FBXW8: variants seen among roughly 807,000 people sequenced by gnomAD.
FBXW8 encodes F-box and WD repeat domain containing 8.
Under a neutral mutation model 65.3 loss-of-function variants are expected in FBXW8, and 57 were observed. The observed-to-expected ratio is 0.87, with a 90% confidence interval of 0.71 to 1.09. The LOEUF (loss-of-function observed/expected upper bound fraction) is 1.09, where lower values mean the gene tolerates loss of function less well. Ranked by LOEUF, FBXW8 falls within the 50% of genes least tolerant of loss-of-function variation. The pLI is 0.00. For missense variants in FBXW8, 777 were observed against 814.8 expected, an observed-to-expected ratio of 0.95 and a Z score of 0.57; for synonymous variants, 308 against 330.2, an observed-to-expected ratio of 0.93 and a Z score of 0.73.
chr12:116,914,464 C>G (rs1037276148), intron 1 of FBXW8, among the ~76,000 whole-genome samples: 1 of 147,888 alleles, frequency 6.8e-6, no homozygotes, highest in African/African-American at 2.5e-5. Flanking sequence ...TCCTCACTAC[C>G]TGGGAGGCTG....
chr12:116,999,470 T>G (rs931365611), intron 7 of FBXW8, among the ~76,000 whole-genome samples: 8 of 152,210 alleles, frequency 5.3e-5, no homozygotes, highest in African/African-American at 1.7e-4. Context: ...CTTACTGTGA[T>G]CTCATGATCA....
rs78315648 is a variant in FBXW8 at position 116,954,981 on chromosome 12, C to T, written c.677+5275C>T. On this transcript the variant is annotated intron_variant, in intron 4 of 10. Transcript: ENST00000652555. ...ACAAACCAATAGCCTTTTCTTGGCT[C>T]GTCCTCTCCAGCCTCTTGGCAACAT... Among the ~76,000 whole-genome samples, 1,007 of 150,650 alleles carry T rather than the reference C, an allele frequency of 6.7e-3. 9 individuals are homozygous for T. Among genetic ancestry groups the T allele is most frequent in the African/African-American group, 0.023 (949 of 41,360 alleles).
chr12:116,962,028 T>C (rs1884014829), intron 4 of FBXW8, among the ~76,000 whole-genome samples: 1 of 152,088 alleles, frequency 6.6e-6, no homozygotes, highest in Non-Finnish European at 1.5e-5. Context: ...GTGCGGGTAG[T>C]GGGCCACAGC....
At position 116,949,614 on chromosome 12, in the gene FBXW8, G is replaced by T; in HGVS notation, c.589-4G>T. On this transcript the variant is annotated splice_polypyrimidine_tract_variant and splice_region_variant and intron_variant, in intron 3 of 10. Transcript: ENST00000652555. ...TAAACTGCATCCCCCTTTTCCTCACGCAGAATCGCAAAGGTGCCGTGAGCG... is the reference window on the plus strand; with the variant it reads ...TAAACTGCATCCCCCTTTTCCTCACTCAGAATCGCAAAGGTGCCGTGAGCG... The T allele has an allele frequency of 6.2e-7, 1 of 1,614,072 alleles. No homozygotes were observed. Among genetic ancestry groups the T allele is most frequent in the Non-Finnish European group, 8.5e-7 (1 of 1,179,944 alleles).
intron 8 of FBXW8, among the ~76,000 whole-genome samples, chr12:117,021,910 T>C (rs1053742663): frequency 4.6e-5 from 7 of 152,240 alleles, no homozygotes; most frequent in African/African-American, 1.7e-4. Context: ...CGTGACTGCC[T>C]GGTTTTTCGT....
intron 2 of FBXW8, among the ~76,000 whole-genome samples, chr12:116,942,018 T>TGG (rs1882601797): frequency 6.6e-6 from 1 of 152,110 alleles, no homozygotes; most frequent in African/African-American, 2.4e-5. Flanking sequence ...TTCATTTTTT[T>TGG]GGTTTTGCTT....
chr12:116,993,041 G>C (rs990868296), intron 7 of FBXW8, among the ~76,000 whole-genome samples: 2 of 150,480 alleles, frequency 1.3e-5, no homozygotes, highest in African/African-American at 2.5e-5. Flanking sequence ...ATTTCCACCA[G>C]CAATGTATAA....
chr12:116,928,272 C>A, intron 2 of FBXW8, 145 bp downstream of exon 2: 1 of 652,136 alleles, frequency 1.5e-6, no homozygotes, highest in South Asian at 1.8e-5. Flanking sequence ...GAAGGAAAGC[C>A]ACCTTGACCT....
intron 8 of FBXW8, among the ~76,000 whole-genome samples, chr12:117,019,858 C>CAAGT (rs1336479716): frequency 4.6e-5 from 7 of 152,216 alleles, no homozygotes; most frequent in African/African-American, 1.7e-4. Flanking sequence ...GTTAATGTTT[C>CAAGT]AAGTACGTGC....
chr12:117,010,190 A>C (rs1953769695), intron 7 of FBXW8, 133 bp from the exon 8 acceptor site: 1 of 1,363,212 alleles, frequency 7.3e-7, no homozygotes, highest in African/African-American at 1.4e-5. Context: ...AAAGATCAGG[A>C]AATTAAGTGG....
chr12:116,975,499 T>G (rs1030193836), intron 5 of FBXW8, among the ~76,000 whole-genome samples: 1 of 152,278 alleles, frequency 6.6e-6, no homozygotes, highest in East Asian at 1.9e-4. Flanking sequence ...GGTTAGGATT[T>G]TAACACTGAA....
rs61937000 is a variant in FBXW8 at position 116,984,328 on chromosome 12, G to A, written c.836-878G>A. Among the ~76,000 whole-genome samples the A allele has an allele frequency of 9.5e-4, 144 of 152,230 alleles. 4 individuals carry two copies. The highest frequency in any genetic ancestry group is 3.5e-4 in the Non-Finnish European group (24 of 68,012). ...GTCGCCACGTGGTACTGATGCTACCGGTCTGGAAACCACCCTGGAGAAAGG... is the reference window on the plus strand; with the variant it reads ...GTCGCCACGTGGTACTGATGCTACCAGTCTGGAAACCACCCTGGAGAAAGG... On this transcript the variant is annotated intron_variant, in intron 5 of 10. Coordinates refer to ENST00000652555, the MANE Select transcript of FBXW8 (RefSeq NM_153348.3).
At chr12:116,923,450 T>C (rs564466877) in intron 1 of FBXW8, among the ~76,000 whole-genome samples, 1 of 152,290 alleles carries the variant, frequency 6.6e-6, no homozygotes, top group South Asian at 2.1e-4. Flanking sequence ...TTGAATTTAT[T>C]GGTTTCCTAT....
rs370862920 is a variant in FBXW8 at position 117,028,018 on chromosome 12, C to T, written c.1653-10C>T. 3 of 1,613,786 alleles carry T rather than the reference C, an allele frequency of 1.9e-6. No homozygotes were observed. Among genetic ancestry groups the T allele is most frequent in the African/African-American group, 2.7e-5 (2 of 74,948 alleles). ...GCCCTGACCTGTCACCATCTTTGTG[C>T]TCTTTCTAGACACCGGGGGCTGATC... On this transcript the variant is annotated splice_polypyrimidine_tract_variant and intron_variant, in intron 10 of 10. Transcript: ENST00000652555. This position sits in a 1 kb window ranked among gnomAD's most constrained non-coding sequence, Gnocchi z 4.1.
At chr12:117,022,219 CTCCTGGGGATTCGTTTTGATAA>C (rs1954115616) in intron 8 of FBXW8, among the ~76,000 whole-genome samples, 1 of 152,120 alleles carries the variant, frequency 6.6e-6, no homozygotes, top group Admixed American at 6.5e-5. Context: ...GATTTTCTGT[CTCCTGGGGATTCGTTTTGATAA>C]TTCTTATTTT....
At chr12:117,024,918 A>AT (rs1199320996) in intron 9 of FBXW8, among the ~76,000 whole-genome samples, 2 of 152,240 alleles carry the variant, frequency 1.3e-5, no homozygotes, top group African/African-American at 4.8e-5. Flanking sequence ...TATTCAAAAT[A>AT]TAAATAAATA....
At chr12:117,008,710 GGTAA>G (rs371269838) in intron 7 of FBXW8, among the ~76,000 whole-genome samples, 191 of 152,290 alleles carry the variant, frequency 1.3e-3, no homozygotes, top group African/African-American at 4.5e-3. Context: ...TCTGTATCGT[GGTAA>G]GTGATAAATG....
At chr12:116,990,846 TGG>T (rs1953222014) in intron 7 of FBXW8, among the ~76,000 whole-genome samples, 1 of 152,116 alleles carries the variant, frequency 6.6e-6, no homozygotes, top group Non-Finnish European at 1.5e-5. Context: ...GAAAAATCCT[TGG>T]TTAAAAATGT....
At chr12:116,966,220 G>C (rs780247938) in intron 5 of FBXW8, among the ~76,000 whole-genome samples, 5 of 152,094 alleles carry the variant, frequency 3.3e-5, no homozygotes, top group Admixed American at 6.5e-5. Context: ...TGAGACCCTG[G>C]ATAGATACCA....
Sources: allele counts gnomAD v4.1 joint callset (sites outside exome capture counted in the v4.1 genomes callset), GRCh38; gene constraint gnomAD v4.1.1; non-coding constraint Gnocchi (gnomAD v3.1); transcripts MANE v1.5; gene names NCBI Gene and HGNC (gene_info 2026-07-23, HGNC 2026-07-21).